ROBO2: variants seen among roughly 807,000 people sequenced by gnomAD.
ROBO2 encodes roundabout guidance receptor 2, also known as roundabout homolog 2.
ROBO2 carries 53 observed loss-of-function variants against 160.8 expected under a neutral mutation model. The ratio of observed to expected loss-of-function variants is 0.33; its 90% CI spans 0.26 to 0.41. The LOEUF (loss-of-function observed/expected upper bound fraction) is 0.41, where lower values mean the gene tolerates loss of function less well. Ranked by LOEUF, ROBO2 falls within the 10% of genes least tolerant of loss-of-function variation. The probability of loss-of-function intolerance (pLI) is 1.00; values close to 1 mark genes in which losing one functional copy is unlikely to be tolerated. For missense variants in ROBO2, 1,577 were observed against 1,722.4 expected (o/e 0.92, Z 1.49); for synonymous variants, 664 against 611.7 (o/e 1.09, Z -1.26).
chr3:76,504,091 C>G (rs925189236), intron 2 of ROBO2, among the ~76,000 whole-genome samples: 5 of 152,130 alleles, frequency 3.3e-5, no homozygotes, highest in African/African-American at 9.7e-5. Flanking sequence ...ATCCACTAAC[C>G]TAGCAAACGA....
At chr3:77,641,532 A>G (rs1394623062) in intron 24 of ROBO2, among the ~76,000 whole-genome samples, 1 of 152,242 alleles carries the variant, frequency 6.6e-6, no homozygotes, top group Non-Finnish European at 1.5e-5. Flanking sequence ...ATTTACAAAA[A>G]TGGCATCAGA....
chr3:77,433,512 A>G (rs1021413317), intron 2 of ROBO2, among the ~76,000 whole-genome samples: 2 of 133,950 alleles, frequency 1.5e-5, no homozygotes, highest in Non-Finnish European at 3.2e-5. Flanking sequence ...ATATATATAT[A>G]TATATATTTC....
intron 2 of ROBO2, among the ~76,000 whole-genome samples, chr3:76,399,289 T>A (rs2077674395): frequency 6.6e-6 from 1 of 151,698 alleles, no homozygotes. Context: ...CCAGATGTTT[T>A]TTGTTAGTCT....
chr3:77,390,473 A>AGATCTGATGG (rs1409190577), intron 2 of ROBO2, among the ~76,000 whole-genome samples: 1 of 152,000 alleles, frequency 6.6e-6, no homozygotes, highest in African/African-American at 2.4e-5. Context: ...AAGTCTGATG[A>AGATCTGATGG]GATCTGATGG....
At chr3:76,247,886 A>G (rs1439319700) in intron 2 of ROBO2, among the ~76,000 whole-genome samples, 1 of 151,880 alleles carries the variant, frequency 6.6e-6, no homozygotes, top group Non-Finnish European at 1.5e-5. Flanking sequence ...AAACACATGA[A>G]AAAATGCTCA....
intron 2 of ROBO2, among the ~76,000 whole-genome samples, chr3:77,360,259 C>CG (rs1400342656): frequency 1.3e-5 from 2 of 151,062 alleles, no homozygotes; most frequent in South Asian, 4.2e-4. Flanking sequence ...GCAACCCCCC[C>CG]CCCAAATTTA....
At chr3:77,514,611 T>G (rs2153619829) in intron 5 of ROBO2, among the ~76,000 whole-genome samples, 1 of 152,024 alleles carries the variant, frequency 6.6e-6, no homozygotes, top group South Asian at 2.1e-4. Flanking sequence ...ACATTTTCTC[T>G]AAGTTATTTA....
In ROBO2 at chr3:77,540,148, G is replaced by T. The variant is rs76135362; in HGVS notation, c.935-6190G>T. On this transcript the variant is annotated intron_variant, in intron 6 of 25. Transcript: ENST00000461745. ...TAGGTTTATGAATAAAGAGTGACTT[G>T]AAGGAAGTGTGCTTAAGAAAGGTTA... Among the ~76,000 whole-genome samples the T allele has an allele frequency of 5.1e-4, 77 of 152,312 alleles. No homozygotes were observed. The East Asian group carries it at 0.015, about 29-fold the overall frequency.
chr3:76,390,444 A>C (rs1301865894), intron 2 of ROBO2, among the ~76,000 whole-genome samples: 1 of 152,176 alleles, frequency 6.6e-6, no homozygotes, highest in African/African-American at 2.4e-5. Context: ...GAAAATGATA[A>C]GACATACATT....
At chr3:77,545,424 T>C (rs2153648211) in intron 6 of ROBO2, among the ~76,000 whole-genome samples, 1 of 152,230 alleles carries the variant, frequency 6.6e-6, no homozygotes, top group Non-Finnish European at 1.5e-5. Flanking sequence ...TCTGTAGGTT[T>C]TACAACACCA....
At chr3:76,125,088 C>A (rs889107072) in intron 2 of ROBO2, among the ~76,000 whole-genome samples, 1 of 152,106 alleles carries the variant, frequency 6.6e-6, no homozygotes, top group Non-Finnish European at 1.5e-5. Flanking sequence ...ATAAGTGAGA[C>A]CATGTGGTAT....
chr3:77,245,120 A>G (rs1027492248), intron 2 of ROBO2, among the ~76,000 whole-genome samples: 3 of 152,186 alleles, frequency 2.0e-5, no homozygotes, highest in Non-Finnish European at 2.9e-5. Flanking sequence ...GTCTCATTGG[A>G]ATGCACTGCC....
chr3:77,343,663 A>G (rs2067311408), intron 2 of ROBO2, among the ~76,000 whole-genome samples: 1 of 152,202 alleles, frequency 6.6e-6, no homozygotes, highest in Non-Finnish European at 1.5e-5. Context: ...AGTGCTTAAT[A>G]TAATTTGCTC....
At chr3:77,311,785 A>G (rs998147967) in intron 2 of ROBO2, among the ~76,000 whole-genome samples, 1 of 152,020 alleles carries the variant, frequency 6.6e-6, no homozygotes, top group Non-Finnish European at 1.5e-5. Context: ...TTCATACATC[A>G]CTCAAAACAA....
At chr3:76,075,859 A>T (rs2068630325) in intron 2 of ROBO2, among the ~76,000 whole-genome samples, 1 of 152,224 alleles carries the variant, frequency 6.6e-6, no homozygotes, top group Non-Finnish European at 1.5e-5. Context: ...TACAGAGCAG[A>T]TAATAAAACA....
intron 2 of ROBO2, among the ~76,000 whole-genome samples, chr3:76,574,433 C>A (rs2085157139): frequency 1.3e-5 from 2 of 152,026 alleles, no homozygotes; most frequent in African/African-American, 4.8e-5. Flanking sequence ...TAAAAACTTT[C>A]AATGATGTTA....
intron 2 of ROBO2, among the ~76,000 whole-genome samples, chr3:76,395,618 A>C (rs1213366170): frequency 1.3e-5 from 2 of 152,138 alleles, no homozygotes; most frequent in African/African-American, 4.8e-5. Flanking sequence ...AAATAGACGC[A>C]ATAAAAAATG....
intron 2 of ROBO2, among the ~76,000 whole-genome samples, chr3:76,801,001 G>A (rs991683623): frequency 6.6e-6 from 1 of 152,106 alleles, no homozygotes; most frequent in African/African-American, 2.4e-5. Context: ...ATTAACCTAA[G>A]TGTGCATCAA....
chr3:77,494,594 AC>A (rs1331549366), intron 5 of ROBO2, among the ~76,000 whole-genome samples: 1 of 152,166 alleles, frequency 6.6e-6, no homozygotes, highest in Non-Finnish European at 1.5e-5. Context: ...AAAACAAAAA[AC>A]AAACAAACAA....
Sources: gnomAD v4.1 joint callset for allele counts (sites outside exome capture counted in the v4.1 genomes callset) on GRCh38, gnomAD v4.1.1 for gene constraint, MANE v1.5 for transcripts, NCBI Gene and HGNC (gene_info 2026-07-23, HGNC 2026-07-21) for gene names.